CDH6: variants seen among roughly 807,000 people sequenced by gnomAD.
CDH6 encodes the protein cadherin 6, also known as cadherin-6.
A neutral mutation model predicts 78.0 loss-of-function variants in CDH6; 31 were observed. The ratio of observed to expected loss-of-function variants is 0.40; its 90% CI spans 0.30 to 0.54. The LOEUF (loss-of-function observed/expected upper bound fraction) is 0.54. Ranked by LOEUF, CDH6 falls within the 20% of genes least tolerant of loss-of-function variation. CDH6 has a pLI of 0.56. For missense variants in CDH6, 724 were observed against 975.9 expected (o/e 0.74, Z 3.44); for synonymous variants, 376 against 368.8 (o/e 1.02, Z -0.23).
rs746358344 is a variant in CDH6, at chr5:31,316,227, T to C, written c.1410T>C (p.Ser470=). 3.7e-6 allele frequency: 6 copies of C among 1,609,734 alleles called. No homozygotes were observed. Among genetic ancestry groups the C allele is most frequent in the South Asian group, 1.1e-5 (1 of 89,646 alleles). Residue 470 remains serine (S), a synonymous_variant, in exon 9 of 12, where the codon AGT becomes AGC. Transcript: ENST00000265071. ...ATEINNPKQS[S]RVPLYIKVLD... ...TGACAGATAATCCAAAGCAAAGTAG[T>C]CGAGTACCTCTATATATTAAAGTTC...
chr5:31,320,758 A>G (rs1421043858), intron 11 of CDH6, among the ~76,000 whole-genome samples: 1 of 152,116 alleles, frequency 6.6e-6, no homozygotes, highest in African/African-American at 2.4e-5. Flanking sequence ...CAGGTGGATC[A>G]CTTGAGGTCA....
At chr5:31,258,518 A>G (rs1742120478) in intron 1 of CDH6, among the ~76,000 whole-genome samples, 1 of 152,174 alleles carries the variant, frequency 6.6e-6, no homozygotes, top group Admixed American at 6.5e-5. Context: ...GGATAGCATT[A>G]GGAGAAATAC....
chr5:31,226,745 T>C (rs942278160), intron 1 of CDH6, among the ~76,000 whole-genome samples: 4 of 152,172 alleles, frequency 2.6e-5, no homozygotes, highest in African/African-American at 9.7e-5. Context: ...TTTTACAAAC[T>C]AGGAACACAA....
chr5:31,200,597 C>CACACACAT (rs749179175), intron 1 of CDH6, among the ~76,000 whole-genome samples: 4 of 148,114 alleles, frequency 2.7e-5, no homozygotes, highest in Non-Finnish European at 6.0e-5. Flanking sequence ...CACACACACA[C>CACACACAT]ATATACACAC....
chr5:31,282,979 G>A (rs1311695985), intron 2 of CDH6, among the ~76,000 whole-genome samples: 1 of 152,138 alleles, frequency 6.6e-6, no homozygotes, highest in Non-Finnish European at 1.5e-5. Flanking sequence ...AGTACACATT[G>A]ATAAGAAAGA....
intron 2 of CDH6, among the ~76,000 whole-genome samples, chr5:31,291,365 T>C (rs1235627318): frequency 6.6e-6 from 1 of 152,168 alleles, no homozygotes; most frequent in African/African-American, 2.4e-5. Flanking sequence ...TCTCTTAAAT[T>C]TGGGAGGCAC....
At chr5:31,221,573 T>C (rs138267586) in intron 1 of CDH6, among the ~76,000 whole-genome samples, 217 of 152,326 alleles carry the variant, frequency 1.4e-3, no homozygotes, top group African/African-American at 5.0e-3. Context: ...AAAGACTGTC[T>C]TCAAAGATTG....
chr5:31,228,006 C>T (rs1403620294), intron 1 of CDH6, among the ~76,000 whole-genome samples: 1 of 152,146 alleles, frequency 6.6e-6, no homozygotes, highest in Non-Finnish European at 1.5e-5. Flanking sequence ...TGTCGGTGTG[C>T]TTGTGTTCTT....
chr5:31,299,323 T>C, intron 4 of CDH6, 141 bp from the exon 5 acceptor site: 3 of 618,396 alleles, frequency 4.9e-6, no homozygotes, highest in Non-Finnish European at 8.4e-6. Context: ...AAAGGCTGCA[T>C]ATAATTATTT....
At chr5:31,292,003 C>T (rs1294763853) in intron 2 of CDH6, among the ~76,000 whole-genome samples, 1 of 152,186 alleles carries the variant, frequency 6.6e-6, no homozygotes, top group African/African-American at 2.4e-5. Context: ...ACATTAAACA[C>T]GGTTTCTCTA....
chr5:31,246,241 G>A (rs770848775), intron 1 of CDH6, among the ~76,000 whole-genome samples: 35 of 152,006 alleles, frequency 2.3e-4, no homozygotes, highest in Non-Finnish European at 3.5e-4. Context: ...CCAACATAGC[G>A]ATGTGACAAG....
Position 31,322,985 on chromosome 5 carries a change from G to A in CDH6, c.2050G>A (p.Glu684Lys). ...IGTLRNPEAI[E>K]DNKLRRDIVP... is the part of the protein sequence containing the mutation. The stretch of plus-strand genomic sequence containing the variant: ...CACCCTGAGGAATCCTGAAGCCATA[G>A]AGGACAACAAATTACGAAGGGACAT... Residue 684 changes from glutamate to lysine, a missense_variant, in exon 12 of 12, where the codon GAG becomes AAG. Around this residue, in one of 3 missense-constraint regions of CDH6, gnomAD observed 220 missense variants for 240.6 expected, o/e 0.91. Transcript: ENST00000265071. The A allele has an allele frequency of 1.2e-6, 2 of 1,614,178 alleles. No individual in the cohort carries two copies. Among genetic ancestry groups the A allele is most frequent in the South Asian group, 1.1e-5 (1 of 91,076 alleles).
chr5:31,317,153 T>C (rs1189728462), intron 9 of CDH6, among the ~76,000 whole-genome samples: 1 of 152,202 alleles, frequency 6.6e-6, no homozygotes, highest in Non-Finnish European at 1.5e-5. Flanking sequence ...CTAAACATCC[T>C]ACAATGCACA....
intron 1 of CDH6, among the ~76,000 whole-genome samples, chr5:31,220,123 A>G (rs1740967602): frequency 6.6e-6 from 1 of 152,184 alleles, no homozygotes; most frequent in Admixed American, 6.5e-5. Context: ...ACAGTTCTTT[A>G]TATTTTTCTG....
At chr5:31,266,606 C>T (rs114110341) in intron 1 of CDH6, among the ~76,000 whole-genome samples, 4,288 of 151,506 alleles carry the variant, frequency 0.028, 216 homozygotes, top group African/African-American at 0.098. Context: ...TGCTGAATCA[C>T]CCATCCTATA....
chr5:31,267,564 T>C lies in CDH6; in HGVS notation c.91T>C (p.Phe31Leu), dbSNP rs1364264468. The C allele has an allele frequency of 8.7e-6, 14 of 1,613,912 alleles. No individual in the cohort carries two copies. Among genetic ancestry groups the C allele is most frequent in the Non-Finnish European group, 1.2e-5 (14 of 1,180,010 alleles). ...STPLSKRTSG[F>L]PAKKRALELS... Reference sequence around the variant, plus strand: ...TCCACTATCAAAGAGGACTAGTGGTTTCCCAGCAAAGAAAAGGGCCCTGGA... The same window carrying C: ...TCCACTATCAAAGAGGACTAGTGGTCTCCCAGCAAAGAAAAGGGCCCTGGA... The change falls in exon 2 of 12, where the codon TTC (phenylalanine) becomes CTC (leucine). Residue 31 changes from phenylalanine to leucine, a missense_variant. By Grantham distance (22) the Phe-to-Leu change is conservative (BLOSUM62 0). Around this residue, in one of 3 missense-constraint regions of CDH6, gnomAD observed 58 missense variants for 50.8 expected, o/e 1.14. Coordinates refer to ENST00000265071, the MANE Select transcript of CDH6 (RefSeq NM_004932.4).
At chr5:31,207,516 G>A (rs1740563763) in intron 1 of CDH6, among the ~76,000 whole-genome samples, 1 of 152,158 alleles carries the variant, frequency 6.6e-6, no homozygotes, top group Non-Finnish European at 1.5e-5. Context: ...CCTTTACTTA[G>A]TCTAAGCGTA....
chr5:31,270,445 C>G (rs966154272), intron 2 of CDH6, among the ~76,000 whole-genome samples: 32 of 152,194 alleles, frequency 2.1e-4, no homozygotes, highest in African/African-American at 7.5e-4. Context: ...ATCTCTTGAG[C>G]ACAGCACAAT....
rs539470138 is a variant in CDH6, at chr5:31,271,841, C to T, written c.228+4140C>T. On this transcript the variant is annotated intron_variant, in intron 2 of 11. Transcript: ENST00000265071. ...ATTTTAACAAGATCCCCAGGTGAAT[C>T]GTACGCATGTTAAAATTTGAGAAGT... Among the ~76,000 whole-genome samples, 11 of 152,214 alleles carry T rather than the reference C, an allele frequency of 7.2e-5. No individual in the cohort carries two copies. In the South Asian group the frequency reaches 1.5e-3, roughly 20 times the overall value.
Sources: gnomAD v4.1 joint callset for allele counts (sites outside exome capture counted in the v4.1 genomes callset) on GRCh38, gnomAD v4.1.1 for gene constraint, gnomAD v4.1.1 regional missense constraint, MANE v1.5 for transcripts, NCBI Gene and HGNC (gene_info 2026-07-23, HGNC 2026-07-21) for gene names.